The following MYH14 variants were observed in gnomAD, a reference collection of about 807,000 sequenced individuals.
The protein encoded by MYH14 is myosin heavy chain 14.
In MYH14, 123 loss-of-function variants were observed where a neutral mutation model predicts 255.5. The ratio of observed to expected loss-of-function variants is 0.48; its 90% confidence interval spans 0.42 to 0.56. The LOEUF (loss-of-function observed/expected upper bound fraction) is 0.56. Among genes scored for constraint, MYH14 ranks in the 20% least tolerant of loss-of-function variants. The pLI, the probability that MYH14 is intolerant of heterozygous loss-of-function variation, is 0.00. For synonymous variants in MYH14, 1,095 were observed against 1,161.2 expected (o/e 0.94, Z 1.16); for missense variants, 2,423 against 2,802.3 (o/e 0.86, Z 3.06).
intron 39 of MYH14, among the ~76,000 whole-genome samples, chr19:50,297,348 T>C (rs2036305848): frequency 6.6e-6 from 1 of 152,122 alleles, no homozygotes; most frequent in South Asian, 2.1e-4. Flanking sequence ...GCAGGGTTGG[T>C]TCCTCTTGTT....
chr19:50,246,044 C>G (rs2034106694), intron 11 of MYH14, among the ~76,000 whole-genome samples: 1 of 143,282 alleles, frequency 7.0e-6, no homozygotes, highest in South Asian at 2.3e-4. Flanking sequence ...CTCCTGCCCT[C>G]CCTCCTTCCT....
At chr19:50,219,766 G>A (rs1445633722) in intron 3 of MYH14, among the ~76,000 whole-genome samples, 1 of 150,502 alleles carries the variant, frequency 6.6e-6, no homozygotes, top group East Asian at 1.9e-4. Flanking sequence ...GATCAGTCCT[G>A]GCAGAATTAC....
At chr19:50,227,609 C>T (rs1056703574) in intron 8 of MYH14, among the ~76,000 whole-genome samples, 6 of 152,168 alleles carry the variant, frequency 3.9e-5, no homozygotes, top group Non-Finnish European at 5.9e-5. Context: ...ATCCAGGTGC[C>T]CAGACGCTAG....
In MYH14 at chr19:50,223,316, G is replaced by T. The variant is rs201835322; in HGVS notation, c.660G>T (p.Ser220=). Residue 220 remains serine (S), a synonymous_variant, in exon 5 of 43, where the codon TCG becomes TCT. Coordinates refer to ENST00000642316, the MANE Select transcript of MYH14 (RefSeq NM_001145809.2). The stretch of plus-strand genomic sequence containing the variant: ...TCCAGTACCTCGCCCACGTGGCGTC[G>T]TCTCCAAAGGGCAGGAAGGAGCCGG... The part of the protein sequence containing the change: ...KVIQYLAHVA[S]SPKGRKEPGV... The T allele has an allele frequency of 1.2e-4, 192 of 1,588,752 alleles. No homozygotes were observed. In the East Asian group the frequency reaches 2.6e-3, roughly 21 times the overall value.
intron 34 of MYH14, among the ~76,000 whole-genome samples, chr19:50,288,052 C>A (rs1400777363): frequency 1.3e-5 from 2 of 152,306 alleles, no homozygotes; most frequent in Non-Finnish European, 2.9e-5. Context: ...CGCAGGCTCC[C>A]CTCACCCAGC....
At chr19:50,233,818 C>G (rs1315018463) in intron 10 of MYH14, among the ~76,000 whole-genome samples, 1 of 65,986 alleles carries the variant, frequency 1.5e-5, no homozygotes, top group African/African-American at 5.4e-5. Context: ...CTCCCCCCGA[C>G]CCCCCCGCCC....
chr19:50,249,515 G>T, intron 13 of MYH14, 135 bp from the exon 14 acceptor site: 2 of 944,530 alleles, frequency 2.1e-6, no homozygotes, highest in Non-Finnish European at 3.1e-6. Flanking sequence ...CTCTCTCTGG[G>T]TCTCTGTCCC....
At chr19:50,296,857 T>C (rs906858087) in intron 39 of MYH14, among the ~76,000 whole-genome samples, 3 of 142,202 alleles carry the variant, frequency 2.1e-5, no homozygotes, top group Non-Finnish European at 4.6e-5. Context: ...TTGAAATCTG[T>C]TTAAATTCAA....
rs1984323193 is a variant in MYH14 at position 50,242,953 on chromosome 19, C to T, written c.1115-1289C>T. Among the ~76,000 whole-genome samples, 2 of 152,140 alleles carry T rather than the reference C, an allele frequency of 1.3e-5. 1 individual carries two copies. Among genetic ancestry groups the T allele is most frequent in the South Asian group, 4.1e-4 (2 of 4,832 alleles). On this transcript the variant is annotated intron_variant, in intron 10 of 42. Coordinates refer to ENST00000642316, the MANE Select transcript of MYH14 (RefSeq NM_001145809.2). ...CACTGTCTCAAATGTCCCCTGAGCACAGTGCTGATGTGCTGTCTGGCATCC... is the reference window on the plus strand; with the variant it reads ...CACTGTCTCAAATGTCCCCTGAGCATAGTGCTGATGTGCTGTCTGGCATCC...
intron 2 of MYH14, among the ~76,000 whole-genome samples, chr19:50,212,328 C>G (rs1055298783): frequency 1.3e-5 from 2 of 152,110 alleles, no homozygotes; most frequent in Admixed American, 1.3e-4. Context: ...AAAGAGCAAA[C>G]AGGATTAGAG....
rs545880918 is a variant in MYH14 at position 50,304,428 on chromosome 19, A to G, written c.5678+2559A>G. On this transcript the variant is annotated intron_variant, in intron 40 of 42. Coordinates refer to ENST00000642316, the MANE Select transcript of MYH14 (RefSeq NM_001145809.2). Reference sequence around the variant, plus strand: ...AACCTGATGAAACCCCGTCTCTACCAAAAATACAAAAATTAGCCGGGAGTA... The same window carrying G: ...AACCTGATGAAACCCCGTCTCTACCGAAAATACAAAAATTAGCCGGGAGTA... 2.6e-5 allele frequency among the ~76,000 whole-genome samples: 4 copies of G among 152,282 alleles called. No individual in the cohort carries two copies. In the East Asian group the frequency reaches 5.8e-4, roughly 22 times the overall value.
At chr19:50,272,039 G>A in intron 26 of MYH14, 67 bp downstream of exon 26, 4 of 1,564,156 alleles carry the variant, frequency 2.6e-6, no homozygotes, top group Non-Finnish European at 3.5e-6. Flanking sequence ...CAAGCCCCAT[G>A]TGCTACAGGG....
chr19:50,249,631 G>A lies in MYH14; in HGVS notation c.1483-19G>A, dbSNP rs377511979. ...GTCCCTCTCCATCCTCCCAGCTCAC[G>A]TGTCCTGCGTCCCTGCAGCTGAACT... is the stretch of plus-strand genomic sequence containing the variant. On this transcript the variant is annotated intron_variant, in intron 13 of 42. Coordinates refer to ENST00000642316, the MANE Select transcript of MYH14 (RefSeq NM_001145809.2). 9.6e-6 allele frequency: 14 copies of A among 1,455,136 alleles called. No homozygotes were observed. The highest frequency in any genetic ancestry group is 9.2e-6 in the Non-Finnish European group (10 of 1,088,612). 90.1% of individuals were successfully genotyped at this position (1,455,136 alleles called of 1,614,324 possible).
chr19:50,235,109 C>T (rs1345038061), intron 10 of MYH14, among the ~76,000 whole-genome samples: 3 of 152,176 alleles, frequency 2.0e-5, no homozygotes, highest in African/African-American at 4.8e-5. Context: ...CAGTGGCTCA[C>T]GCCTGTAATC....
At chr19:50,240,792 T>TA (rs1247540430) in intron 10 of MYH14, among the ~76,000 whole-genome samples, 3 of 150,568 alleles carry the variant, frequency 2.0e-5, no homozygotes, top group South Asian at 2.1e-4. Context: ...TAAAATAAAA[T>TA]AAAAAAATAA....
At chr19:50,278,641 C>A (rs971252624) in intron 30 of MYH14, among the ~76,000 whole-genome samples, 1 of 151,848 alleles carries the variant, frequency 6.6e-6, no homozygotes, top group Non-Finnish European at 1.5e-5. Flanking sequence ...GAGGTCGAGG[C>A]TGCAATGAGC....
At chr19:50,297,089 G>A (rs541524999) in intron 39 of MYH14, among the ~76,000 whole-genome samples, 2 of 152,104 alleles carry the variant, frequency 1.3e-5, no homozygotes, top group South Asian at 2.1e-4. Context: ...GGATTCAAGT[G>A]ATTCTCCTGC....
chr19:50,217,089 G>A (rs1167127088), intron 2 of MYH14, among the ~76,000 whole-genome samples: 1 of 151,960 alleles, frequency 6.6e-6, no homozygotes, highest in Non-Finnish European at 1.5e-5. Flanking sequence ...GATTGCAGGC[G>A]TGAGCCACCG....
intron 11 of MYH14, among the ~76,000 whole-genome samples, chr19:50,246,636 CA>C (rs1157129415): frequency 5.2e-4 from 14 of 27,000 alleles, no homozygotes; most frequent in African/African-American, 6.4e-4. Flanking sequence ...CAAAACAAAA[CA>C]AAACAAACAA....
Sources: gnomAD v4.1 joint callset for allele counts (sites outside exome capture counted in the v4.1 genomes callset) on GRCh38, gnomAD v4.1.1 for gene constraint, MANE v1.5 for transcripts, NCBI Gene and HGNC (gene_info 2026-07-23, HGNC 2026-07-21) for gene names.